Variants in MYO1H observed in about 807,000 individuals in gnomAD.
MYO1H encodes unconventional myosin-Ih.
In MYO1H, 118 loss-of-function variants were observed where a neutral mutation model predicts 149.3. That is an observed-to-expected ratio of 0.79 (90% CI 0.68 to 0.92). The LOEUF is 0.92. Among genes scored for constraint, MYO1H ranks in the 40% least tolerant of loss-of-function variants. MYO1H has a pLI of 0.00. For missense variants in MYO1H, 1,212 were observed against 1,280.7 expected, an observed-to-expected ratio of 0.95 and a Z score of 0.82; for synonymous variants, 447 against 465.2, an observed-to-expected ratio of 0.96 and a Z score of 0.50.
chr12:109,432,734 T>C (rs1478475413), intron 19 of MYO1H, among the ~76,000 whole-genome samples, 163 bp from the exon 20 acceptor site: 1 of 152,228 alleles, frequency 6.6e-6, no homozygotes, highest in Non-Finnish European at 1.5e-5. Context: ...TCTTGCAAAG[T>C]ACCCATCTTT....
the MYO1H span, among the ~76,000 whole-genome samples, chr12:109,324,904 A>T: frequency 6.6e-6 from 1 of 151,928 alleles, no homozygotes; most frequent in African/African-American, 2.4e-5. Context: ...CTGGTGTATG[A>T]TGTTCCCCTC....
chr12:109,337,774 G>T, the MYO1H span, among the ~76,000 whole-genome samples: 1 of 152,164 alleles, frequency 6.6e-6, no homozygotes, highest in Non-Finnish European at 1.5e-5. Context: ...CCCTGCTTTT[G>T]GGAGGAGTGA....
intron 1 of MYO1H, chr12:109,357,262 C>G (rs1015928901): frequency 6.6e-6 from 1 of 152,154 alleles, no homozygotes; most frequent in Non-Finnish European, 1.5e-5. Context: ...GCTGTGAACA[C>G]AGAGCTGCTG....
chr12:109,443,196 A>G lies in MYO1H; in HGVS notation c.2689-318A>G, dbSNP rs146417509. On this transcript the variant is annotated intron_variant, in intron 27 of 31. Transcript: ENST00000310903. ...CGTATGTGTGTATATGTGTACGTAT[A>G]TGTGTGTATATGTGTACGTATATGT... Among the ~76,000 whole-genome samples the G allele has an allele frequency of 1.7e-3, 162 of 95,634 alleles. 5 individuals are homozygous for G. The highest frequency in any genetic ancestry group is 2.2e-3 in the Non-Finnish European group (102 of 45,974). The allele number at this position is 95,634 out of a possible 152,430, so 62.7% of individuals were successfully genotyped here. A position where few individuals can be genotyped will look rare whatever the true frequency, so the allele number is the denominator to read the frequency against.
At chr12:109,314,373 C>T in the MYO1H span, among the ~76,000 whole-genome samples, 1 of 152,142 alleles carries the variant, frequency 6.6e-6, no homozygotes, top group Non-Finnish European at 1.5e-5. Flanking sequence ...AACAAATTGG[C>T]ATCATTTTAA....
the MYO1H span, among the ~76,000 whole-genome samples, chr12:109,311,114 G>A: frequency 0.6 from 91,724 of 152,100 alleles, 28,961 homozygotes; most frequent in African/African-American, 0.78. Flanking sequence ...TCATTAAGGT[G>A]TAATTTTATA....
the MYO1H span, among the ~76,000 whole-genome samples, chr12:109,316,644 C>T: frequency 6.6e-6 from 1 of 152,118 alleles, no homozygotes; most frequent in Non-Finnish European, 1.5e-5. Flanking sequence ...TATTAACAAT[C>T]CCCCAGCCTT....
chr12:109,319,563 T>C, the MYO1H span, among the ~76,000 whole-genome samples: 3 of 152,198 alleles, frequency 2.0e-5, no homozygotes, highest in Non-Finnish European at 4.4e-5. Flanking sequence ...TAAACAATGT[T>C]AGGTGGTGGT....
At chr12:109,341,343 T>G in the MYO1H span, among the ~76,000 whole-genome samples, 1 of 152,184 alleles carries the variant, frequency 6.6e-6, no homozygotes, top group African/African-American at 2.4e-5. Context: ...GTTGAAAATT[T>G]TCCACTTCAC....
the MYO1H span, among the ~76,000 whole-genome samples, chr12:109,331,056 CCTTG>C: frequency 6.6e-6 from 1 of 152,126 alleles, no homozygotes; most frequent in African/African-American, 2.4e-5. Flanking sequence ...GATAAATTTC[CCTTG>C]CTTAAAGACA....
At chr12:109,370,519 G>A (rs1334322752) in intron 1 of MYO1H, among the ~76,000 whole-genome samples, 1 of 152,196 alleles carries the variant, frequency 6.6e-6, no homozygotes, top group Admixed American at 6.5e-5. Flanking sequence ...CTATGGAGTT[G>A]TTGTGGGTAA....
At chr12:109,397,581 C>T (rs990155982) in intron 4 of MYO1H, 151 bp from the exon 5 acceptor site, 13 of 530,208 alleles carry the variant, frequency 2.5e-5, no homozygotes, top group African/African-American at 1.8e-4. Context: ...CTGTAGTTAG[C>T]GATTCCTTCT....
intron 1 of MYO1H, among the ~76,000 whole-genome samples, chr12:109,364,563 G>A (rs551395442): frequency 2.3e-4 from 35 of 152,204 alleles, no homozygotes; most frequent in East Asian, 7.7e-4. Context: ...GAGCTCAAGC[G>A]ATCCACCTGC....
At chr12:109,404,270 G>C (rs1228896958) in intron 7 of MYO1H, among the ~76,000 whole-genome samples, 190 bp downstream of exon 7, 1 of 152,098 alleles carries the variant, frequency 6.6e-6, no homozygotes, top group African/African-American at 2.4e-5. Flanking sequence ...TTGAGGTCAG[G>C]AGTTTAAGAC....
chr12:109,344,846 C>T (rs2048097800), upstream of MYO1H, among the ~76,000 whole-genome samples: 1 of 152,198 alleles, frequency 6.6e-6, no homozygotes, highest in Non-Finnish European at 1.5e-5. Flanking sequence ...AATTGATTTT[C>T]GACAAGGGAG....
At chr12:109,365,913 G>A (rs977841996) in intron 1 of MYO1H, among the ~76,000 whole-genome samples, 3 of 152,122 alleles carry the variant, frequency 2.0e-5, no homozygotes, top group African/African-American at 7.2e-5. Context: ...CATCACTGCC[G>A]ATGCTCCGCC....
At chr12:109,444,141 C>A in intron 28 of MYO1H, 72 bp from the exon 29 acceptor site, 1 of 1,145,502 alleles carries the variant, frequency 8.7e-7, no homozygotes, top group Non-Finnish European at 1.3e-6. Context: ...AGCCCCTGGG[C>A]GTATCTCTTC....
intron 7 of MYO1H, 110 bp downstream of exon 7, chr12:109,404,190 G>A (rs1870280549): frequency 2.5e-6 from 2 of 798,492 alleles, no homozygotes; most frequent in Non-Finnish European, 4.1e-6. Context: ...TAAAAATACA[G>A]GATGCAGCTG....
the MYO1H span, among the ~76,000 whole-genome samples, chr12:109,335,581 A>AC: frequency 1.7e-3 from 253 of 150,506 alleles, no homozygotes; most frequent in Middle Eastern, 0.021. Context: ...AAACAAACAA[A>AC]AAAAAAACTA....
Sources: gnomAD v4.1 joint callset for allele counts (sites outside exome capture counted in the v4.1 genomes callset) on GRCh38, gnomAD v4.1.1 for gene constraint, MANE v1.5 for transcripts, NCBI Gene and HGNC (gene_info 2026-07-23, HGNC 2026-07-21) for gene names.